GRID1: variants seen among roughly 807,000 people sequenced by gnomAD.
GRID1 encodes glutamate ionotropic receptor delta type subunit 1, also known as glutamate receptor ionotropic, delta-1.
GRID1 carries 28 observed loss-of-function variants against 98.0 expected under a neutral mutation model. The ratio of observed to expected loss-of-function variants is 0.29; its 90% CI spans 0.21 to 0.39. The LOEUF (loss-of-function observed/expected upper bound fraction) is 0.39. GRID1 is among the 10% of genes least tolerant of loss of function. The pLI is 1.00. For missense variants in GRID1, 1,111 were observed against 1,340.5 expected (o/e 0.83, Z 2.67); for synonymous variants, 553 against 538.5 (o/e 1.03, Z -0.37).
intron 2 of GRID1, among the ~76,000 whole-genome samples, chr10:86,227,588 A>T (rs562647006): frequency 5.8e-4 from 89 of 152,152 alleles, no homozygotes; most frequent in Non-Finnish European, 1.1e-3. Flanking sequence ...CCAGTTCCCC[A>T]GTCCCTTCCC....
chr10:85,887,977 C>A lies in GRID1; in HGVS notation c.781-18797G>T, dbSNP rs1841141043. On this transcript the variant is annotated intron_variant, in intron 5 of 15. Coordinates refer to ENST00000327946, the MANE Select transcript of GRID1 (RefSeq NM_017551.3). ...CATCATCCCATTCCTCCTACAGCCT[C>A]TTCTACACCCTTAAGGAAGCCCATA... 2.6e-5 allele frequency among the ~76,000 whole-genome samples: 4 copies of A among 152,090 alleles called. No homozygotes were observed. The South Asian group carries it at 8.3e-4, about 31-fold the overall frequency.
chr10:86,114,561 G>A (rs962186234), intron 4 of GRID1, among the ~76,000 whole-genome samples: 4 of 152,086 alleles, frequency 2.6e-5, no homozygotes, highest in Non-Finnish European at 1.5e-5. Context: ...GCCACAGCCT[G>A]CATTCTTGAC....
chr10:85,945,194 T>G (rs895498910), intron 4 of GRID1, among the ~76,000 whole-genome samples: 4 of 152,150 alleles, frequency 2.6e-5, no homozygotes, highest in African/African-American at 9.7e-5. Flanking sequence ...TAAAACATAT[T>G]AGAATATATA....
rs769287013 is a variant in GRID1 at position 85,602,288 on chromosome 10, G to C, written c.3015C>G (p.His1005Gln). 6.6e-7 allele frequency: 1 copy of C among 1,520,376 alleles called. No individual in the cohort carries two copies. The highest frequency in any genetic ancestry group is 1.3e-5 in the South Asian group (1 of 75,944). The allele number at this position is 1,520,376 out of a possible 1,614,324, so 94.2% of individuals were successfully genotyped here. The change falls in exon 16 of 16, where the codon CAC (histidine) becomes CAG (glutamine). Residue 1005 changes from histidine to glutamine, a missense_variant. By Grantham distance (24) the His-to-Gln change is conservative. This residue lies in a region of GRID1 where 762 missense variants were observed against 869.1 expected (regional missense o/e 0.88). Transcript: ENST00000327946. ...GGCGGCGCAGTCAGATGGAGGTCCC[G>C]TGGGAGGTGTCCAGAGCCTCTGGAA... ...GVLPEALDTS[H>Q]GTSI
chr10:86,205,198 T>A (rs999053049), intron 3 of GRID1, among the ~76,000 whole-genome samples: 1 of 152,230 alleles, frequency 6.6e-6, no homozygotes, highest in African/African-American at 2.4e-5. Flanking sequence ...AATGCAAACA[T>A]ATGCTGATTT....
chr10:86,154,164 C>T (rs569721705), intron 3 of GRID1, among the ~76,000 whole-genome samples: 1 of 152,142 alleles, frequency 6.6e-6, no homozygotes, highest in South Asian at 2.1e-4. Context: ...CCAACACTGT[C>T]CCCTCTCCTC....
chr10:85,828,903 T>C (rs1406575179), intron 8 of GRID1, among the ~76,000 whole-genome samples: 1 of 152,188 alleles, frequency 6.6e-6, no homozygotes, highest in Non-Finnish European at 1.5e-5. Context: ...GTAATATTGC[T>C]ACTGAAACTA....
intron 4 of GRID1, among the ~76,000 whole-genome samples, chr10:85,926,022 T>C (rs575926876): frequency 5.9e-4 from 90 of 152,364 alleles, no homozygotes; most frequent in Middle Eastern, 3.4e-3. Flanking sequence ...TGTATTCTTT[T>C]TTACGAGCCT....
At chr10:85,688,556 G>T (rs1841295231) in intron 12 of GRID1, among the ~76,000 whole-genome samples, 1 of 152,032 alleles carries the variant, frequency 6.6e-6, no homozygotes, top group South Asian at 2.1e-4. Context: ...CAGGAAGGAA[G>T]CTATCTAGGT....
chr10:86,013,348 A>G (rs1359662491), intron 4 of GRID1, among the ~76,000 whole-genome samples: 1 of 152,256 alleles, frequency 6.6e-6, no homozygotes, highest in African/African-American at 2.4e-5. Context: ...TTTGAAAGGT[A>G]CAAAGCAGAG....
At chr10:85,926,320 G>A (rs182931269) in intron 4 of GRID1, among the ~76,000 whole-genome samples, 5 of 152,268 alleles carry the variant, frequency 3.3e-5, no homozygotes, top group African/African-American at 9.6e-5. Flanking sequence ...GAGAGACCAC[G>A]GGGGGCTCTG....
chr10:85,653,517 C>A (rs1035272492), intron 12 of GRID1, among the ~76,000 whole-genome samples: 1 of 152,164 alleles, frequency 6.6e-6, no homozygotes, highest in African/African-American at 2.4e-5. Flanking sequence ...GCAACATTTA[C>A]CTGGGGACCT....
At chr10:85,869,985 C>G (rs1402329962) in intron 5 of GRID1, among the ~76,000 whole-genome samples, 1 of 152,190 alleles carries the variant, frequency 6.6e-6, no homozygotes, top group African/African-American at 2.4e-5. Context: ...CATGAGGAAT[C>G]TGACAAGGGG....
chr10:85,756,788 C>T (rs924916321), intron 8 of GRID1, among the ~76,000 whole-genome samples: 18 of 152,270 alleles, frequency 1.2e-4, no homozygotes, highest in African/African-American at 4.3e-4. Context: ...GGCATTTGGC[C>T]CTCTGTCCAT....
chr10:85,915,056 A>T (rs2131823572), intron 5 of GRID1, among the ~76,000 whole-genome samples: 1 of 152,228 alleles, frequency 6.6e-6, no homozygotes, highest in South Asian at 2.1e-4. Flanking sequence ...AAGTAATGAA[A>T]AGCAGGCCAG....
chr10:86,362,788 A>G (rs1378217837), intron 2 of GRID1, among the ~76,000 whole-genome samples: 1 of 152,164 alleles, frequency 6.6e-6, no homozygotes, highest in Admixed American at 6.5e-5. Flanking sequence ...CTAGCAACCC[A>G]TGTGTACCAA....
intron 2 of GRID1, among the ~76,000 whole-genome samples, chr10:86,228,817 T>G (rs1846401181): frequency 6.6e-6 from 1 of 152,106 alleles, no homozygotes; most frequent in Non-Finnish European, 1.5e-5. Flanking sequence ...TCTTTTATAC[T>G]CACTTGGCAA....
chr10:86,339,668 G>A (rs1848282716), intron 2 of GRID1, among the ~76,000 whole-genome samples: 3 of 152,246 alleles, frequency 2.0e-5, no homozygotes, highest in Non-Finnish European at 2.9e-5. Context: ...AGGAGGGAAC[G>A]AGCAGAGTGG....
intron 4 of GRID1, among the ~76,000 whole-genome samples, chr10:86,136,779 G>A (rs1844931401): frequency 6.6e-6 from 1 of 152,142 alleles, no homozygotes; most frequent in Admixed American, 6.5e-5. Flanking sequence ...CCAGGGACTT[G>A]ACTGACGTTA....
Sources: gnomAD v4.1 joint callset for allele counts (sites outside exome capture counted in the v4.1 genomes callset) on GRCh38, gnomAD v4.1.1 for gene constraint, gnomAD v4.1.1 regional missense constraint, MANE v1.5 for transcripts, NCBI Gene and HGNC (gene_info 2026-07-23, HGNC 2026-07-21) for gene names.